GULP1: variants seen among roughly 807,000 people sequenced by gnomAD.
GULP1 encodes the protein GULP PTB domain containing engulfment adaptor 1.
A neutral mutation model predicts 40.9 loss-of-function variants in GULP1; 19 were observed. The ratio of observed to expected loss-of-function variants is 0.46; its 90% CI spans 0.32 to 0.68. GULP1 has a LOEUF of 0.68. GULP1 is among the 30% of genes least tolerant of loss of function. The pLI, the probability that GULP1 is intolerant of heterozygous loss-of-function variation, is 0.03. For synonymous variants in GULP1, 119 were observed against 117.6 expected, an observed-to-expected ratio of 1.01 and a Z score of -0.08; for missense variants, 312 against 362.2, an observed-to-expected ratio of 0.86 and a Z score of 1.12.
intron 1 of GULP1, among the ~76,000 whole-genome samples, chr2:188,317,178 C>G (rs911226899): frequency 1.3e-5 from 2 of 152,144 alleles, no homozygotes; most frequent in Non-Finnish European, 2.9e-5. Context: ...ACTTGACTAC[C>G]TCATTTCATC....
At position 188,452,820 on chromosome 2, in the gene GULP1, T is replaced by A. The variant is rs1159555486; in HGVS notation, c.-44-24839T>A. On this transcript the variant is annotated intron_variant, in intron 2 of 11. Coordinates refer to ENST00000409830, the MANE Select transcript of GULP1 (RefSeq NM_016315.4). Reference sequence around the variant, plus strand: ...TAGAGGTAGAATTTGAATATTTTATTAATACAATAATAGGGTATATTTCAA... The same window carrying A: ...TAGAGGTAGAATTTGAATATTTTATAAATACAATAATAGGGTATATTTCAA... Among the ~76,000 whole-genome samples the A allele has an allele frequency of 2.0e-5, 3 of 152,206 alleles. No individual in the cohort carries two copies. In the East Asian group the frequency reaches 5.8e-4, roughly 29 times the overall value.
intron 1 of GULP1, among the ~76,000 whole-genome samples, chr2:188,383,180 C>G (rs895153893): frequency 2.6e-5 from 4 of 152,130 alleles, no homozygotes; most frequent in African/African-American, 4.8e-5. Context: ...ATAATTTGTG[C>G]TGTTGTGTCT....
chr2:188,367,503 A>G (rs1265943943), intron 1 of GULP1, among the ~76,000 whole-genome samples: 3 of 152,184 alleles, frequency 2.0e-5, no homozygotes, highest in South Asian at 2.1e-4. Context: ...GTGGTATTTA[A>G]TATGTAGACA....
intron 1 of GULP1, among the ~76,000 whole-genome samples, chr2:188,294,588 TAAAA>T (rs1269039253): frequency 6.6e-6 from 1 of 152,136 alleles, no homozygotes. Context: ...GTTAAATGGT[TAAAA>T]CAAACAAACA....
At chr2:188,301,956 T>C (rs2036208969) in intron 1 of GULP1, among the ~76,000 whole-genome samples, 1 of 152,218 alleles carries the variant, frequency 6.6e-6, no homozygotes, top group Non-Finnish European at 1.5e-5. Context: ...CTGGATTTAC[T>C]GCTGTGTGAG....
chr2:188,507,709 T>C (rs1420547060), intron 4 of GULP1, among the ~76,000 whole-genome samples: 2 of 151,968 alleles, frequency 1.3e-5, no homozygotes, highest in East Asian at 1.9e-4. Flanking sequence ...CGTTAAGTGG[T>C]TTACTCTAAT....
chr2:188,563,869 C>T (rs1439425125), intron 7 of GULP1, among the ~76,000 whole-genome samples: 3 of 151,920 alleles, frequency 2.0e-5, no homozygotes, highest in Non-Finnish European at 4.4e-5. Context: ...ATAGACTTAA[C>T]ACTCTTTTGC....
chr2:188,316,363 A>AT (rs1454709842), intron 1 of GULP1, among the ~76,000 whole-genome samples: 2 of 151,854 alleles, frequency 1.3e-5, no homozygotes, highest in African/African-American at 4.8e-5. Context: ...TTTCTGGTAG[A>AT]TTTTTTCATT....
chr2:188,299,058 A>G (rs536483805), intron 1 of GULP1, among the ~76,000 whole-genome samples: 1 of 152,138 alleles, frequency 6.6e-6, no homozygotes, highest in Non-Finnish European at 1.5e-5. Flanking sequence ...GATAATTCCA[A>G]CTGGCTATTT....
At chr2:188,402,015 CAG>C (rs1395788529) in intron 2 of GULP1, among the ~76,000 whole-genome samples, 2 of 152,104 alleles carry the variant, frequency 1.3e-5, no homozygotes, top group East Asian at 1.9e-4. Flanking sequence ...GCCATGAGAA[CAG>C]AACGTATTTG....
intron 2 of GULP1, among the ~76,000 whole-genome samples, chr2:188,450,768 A>G (rs2058773912): frequency 6.6e-6 from 1 of 152,160 alleles, no homozygotes; most frequent in Non-Finnish European, 1.5e-5. Context: ...AACTTTCCAA[A>G]AGAATTGCTC....
chr2:188,530,415 T>C (rs554470116), intron 6 of GULP1, among the ~76,000 whole-genome samples: 1 of 152,324 alleles, frequency 6.6e-6, no homozygotes, highest in African/African-American at 2.4e-5. Context: ...CATTAACATA[T>C]ACTTGTTTTG....
chr2:188,573,729 G>C (rs1351191314), intron 9 of GULP1, among the ~76,000 whole-genome samples: 1 of 137,094 alleles, frequency 7.3e-6, no homozygotes, highest in Non-Finnish European at 1.6e-5. Context: ...CAAAGGATTA[G>C]AGGCAGTGAT....
At chr2:188,375,491 A>G (rs2048180425) in intron 1 of GULP1, among the ~76,000 whole-genome samples, 1 of 152,204 alleles carries the variant, frequency 6.6e-6, no homozygotes, top group African/African-American at 2.4e-5. Flanking sequence ...AATCAACCAC[A>G]GTTTCCTGAT....
At position 188,483,895 on chromosome 2, in the gene GULP1, A is replaced by T. The variant is rs1377256568; in HGVS notation, c.90+403A>T. 3.9e-5 allele frequency among the ~76,000 whole-genome samples: 6 copies of T among 152,130 alleles called. No individual in the cohort carries two copies. In the East Asian group the frequency reaches 9.6e-4, roughly 24 times the overall value. On this transcript the variant is annotated intron_variant, in intron 4 of 11. Coordinates refer to ENST00000409830, the MANE Select transcript of GULP1 (RefSeq NM_016315.4). ...ATTTTCATAAATGTAATTATCATTC[A>T]AGAAAAAAGGAACAAAGTTTAAATT...
chr2:188,579,754 A>G lies in GULP1; in HGVS notation c.610-4511A>G, dbSNP rs192089138. ...ACTTGATTATTTTTATATTATATAC[A>G]TTCTCCATTTCTGTAAGTTTACCTC... On this transcript the variant is annotated intron_variant, in intron 9 of 11. Coordinates refer to ENST00000409830, the MANE Select transcript of GULP1 (RefSeq NM_016315.4). Among the ~76,000 whole-genome samples the G allele has an allele frequency of 2.7e-3, 411 of 152,294 alleles. 2 individuals are homozygous for G. The highest frequency in any genetic ancestry group is 7.1e-3 in the African/African-American group (295 of 41,558).
chr2:188,404,097 GAATCTAAGAATCT>G (rs1218606309), intron 2 of GULP1, among the ~76,000 whole-genome samples: 1 of 152,024 alleles, frequency 6.6e-6, no homozygotes, highest in African/African-American at 2.4e-5. Flanking sequence ...AACAGCAGAG[GAATCTAAGAATCT>G]AATCTAAGAT....
At chr2:188,567,274 T>A (rs549241553) in intron 7 of GULP1, among the ~76,000 whole-genome samples, 1 of 152,288 alleles carries the variant, frequency 6.6e-6, no homozygotes, top group South Asian at 2.1e-4. Flanking sequence ...AGAGATCTCA[T>A]TACTGGGTAT....
chr2:188,498,694 A>G (rs1481048332), intron 4 of GULP1, among the ~76,000 whole-genome samples: 2 of 151,830 alleles, frequency 1.3e-5, no homozygotes, highest in African/African-American at 4.8e-5. Flanking sequence ...TAAAAATAAT[A>G]TATTATGTAG....
Sources: gnomAD v4.1 joint callset for allele counts (sites outside exome capture counted in the v4.1 genomes callset) on GRCh38, gnomAD v4.1.1 for gene constraint, MANE v1.5 for transcripts, NCBI Gene and HGNC (gene_info 2026-07-23, HGNC 2026-07-21) for gene names.